The following DPP6 variants were observed in gnomAD, a reference collection of about 807,000 sequenced individuals.
The protein encoded by DPP6 is A-type potassium channel modulatory protein DPP6.
Under a neutral mutation model 122.6 loss-of-function variants are expected in DPP6, and 69 were observed. That is an observed-to-expected ratio of 0.56 (90% confidence interval 0.46 to 0.69). DPP6 has a LOEUF of 0.69. DPP6 is among the 30% of genes least tolerant of loss of function. DPP6 has a pLI of 0.00. For synonymous variants in DPP6, 418 were observed against 433.1 expected (o/e 0.97, Z 0.43); for missense variants, 928 against 1,116.9 (o/e 0.83, Z 2.41).
At chr7:154,363,127 C>T (rs1861140) in intron 1 of DPP6, among the ~76,000 whole-genome samples, 38,607 of 152,086 alleles carry the variant, frequency 0.25, 10,208 homozygotes, top group African/African-American at 0.68. Flanking sequence ...CCAGTGGCTA[C>T]AGTGGCAGCC....
At chr7:153,950,855 A>G (rs1031705287) in intron 1 of DPP6, among the ~76,000 whole-genome samples, 3 of 152,198 alleles carry the variant, frequency 2.0e-5, no homozygotes, top group African/African-American at 7.2e-5. Context: ...TCTGGAACAT[A>G]GAGGTCGAAC....
chr7:154,054,392 CTGT>C (rs1240088557), intron 1 of DPP6, among the ~76,000 whole-genome samples: 2 of 151,864 alleles, frequency 1.3e-5, no homozygotes, highest in Non-Finnish European at 2.9e-5. Context: ...TGAGGTTTTG[CTGT>C]TGTTATTGGT....
intron 1 of DPP6, chr7:154,058,127 T>G (rs1463960816): frequency 3.7e-5 from 3 of 81,902 alleles, no homozygotes; most frequent in Non-Finnish European, 5.3e-5. Context: ...CCAACCCCTC[T>G]TCCCCCCCCT....
intron 3 of DPP6, among the ~76,000 whole-genome samples, chr7:154,533,346 C>G (rs1000368437): frequency 6.6e-6 from 1 of 152,098 alleles, no homozygotes. Flanking sequence ...ATGACATGGA[C>G]AAATCATCAA....
Position 154,652,699 on chromosome 7 carries a change from C to CA in DPP6, c.680+14827dup, listed in dbSNP as rs1836955645. Among the ~76,000 whole-genome samples the CA allele has an allele frequency of 2.0e-5, 3 of 152,228 alleles. No individual in the cohort carries two copies. The South Asian group carries it at 6.2e-4, about 32-fold the overall frequency. On this transcript the variant is annotated intron_variant, in intron 6 of 25. Transcript: ENST00000377770. ...TGAGCACTGTGAGAGCCTGAGGCGT[C>CA]AGAGTGCAGCTCATTGAGACCCAGA...
chr7:153,946,933 C>T (rs1801974524), intron 1 of DPP6, among the ~76,000 whole-genome samples: 1 of 152,048 alleles, frequency 6.6e-6, no homozygotes, highest in South Asian at 2.1e-4. Flanking sequence ...TGCGAATTTC[C>T]AAGCTGAAGA....
chr7:154,486,646 A>G lies in DPP6; in HGVS notation c.457+11609A>G, dbSNP rs1005380440. On this transcript the variant is annotated intron_variant, in intron 3 of 25. Transcript: ENST00000377770. This position sits in a 1 kb window ranked among gnomAD's most constrained non-coding sequence, Gnocchi z 4.5. ...CTCCACGATACCGCAGTAGAACTTT[A>G]CAAAACTTCAGTCAGAGCATCAGCT... 5.3e-5 allele frequency among the ~76,000 whole-genome samples: 8 copies of G among 152,212 alleles called. No homozygotes were observed. The highest frequency in any genetic ancestry group is 8.8e-5 in the Non-Finnish European group (6 of 68,044).
chr7:154,026,912 C>G (rs1438192900), intron 1 of DPP6: 1 of 150,526 alleles, frequency 6.6e-6, no homozygotes, highest in East Asian at 1.9e-4. Context: ...ATGATATAAA[C>G]AAATGAGATA....
Position 154,446,329 on chromosome 7 carries a change from G to A in DPP6, c.358+1G>A. 1 of 1,605,386 alleles carries A rather than the reference G, an allele frequency of 6.2e-7. No individual in the cohort carries two copies. The highest frequency in any genetic ancestry group is 8.5e-7 in the Non-Finnish European group (1 of 1,175,476). ...ACCTCGGTCATACTTCTGACACCAG[G>A]TACTGTATTCATTCTTGGAAAAGCA... On this transcript the variant is annotated splice_donor_variant, in intron 2 of 25. Transcript: ENST00000377770. LOFTEE classifies it high-confidence loss of function.
intron 1 of DPP6, among the ~76,000 whole-genome samples, chr7:153,972,663 G>A (rs1397385824): frequency 6.6e-6 from 1 of 151,340 alleles, no homozygotes; most frequent in African/African-American, 2.4e-5. Flanking sequence ...CATGTGCTAT[G>A]TTCAGAATTG....
chr7:154,870,043 G>A (rs1286324523), intron 18 of DPP6, among the ~76,000 whole-genome samples: 1 of 151,764 alleles, frequency 6.6e-6, no homozygotes, highest in African/African-American at 2.4e-5. Flanking sequence ...GCAGTGGTAC[G>A]ATCTTGGGTT....
At chr7:154,795,960 A>G in intron 12 of DPP6, 77 bp downstream of exon 12, 1 of 1,537,704 alleles carries the variant, frequency 6.5e-7, no homozygotes, top group Non-Finnish European at 8.7e-7. Flanking sequence ...AGCTTCGACA[A>G]CAGCAGAATG....
intron 17 of DPP6, among the ~76,000 whole-genome samples, chr7:154,857,484 T>A (rs543385493): frequency 6.6e-6 from 1 of 152,232 alleles, no homozygotes; most frequent in East Asian, 1.9e-4. Flanking sequence ...AGCCTCCAGG[T>A]GTTTGCCATG....
intron 5 of DPP6, among the ~76,000 whole-genome samples, chr7:154,581,706 AAC>A (rs1563889489): frequency 6.6e-6 from 1 of 152,248 alleles, no homozygotes; most frequent in Non-Finnish European, 1.5e-5. Flanking sequence ...CAAAGAAAAC[AAC>A]AGTGTCCCCT....
chr7:153,963,913 T>C (rs71545680), intron 1 of DPP6, among the ~76,000 whole-genome samples: 2 of 152,334 alleles, frequency 1.3e-5, no homozygotes, highest in South Asian at 4.1e-4. Flanking sequence ...GCTGAGCCCT[T>C]GCAGCAGAGG....
At chr7:154,137,703 A>G (rs867009942) in intron 1 of DPP6, among the ~76,000 whole-genome samples, 1 of 148,556 alleles carries the variant, frequency 6.7e-6, no homozygotes, top group African/African-American at 2.5e-5. Flanking sequence ...AAAAGGCCCA[A>G]GCCCCTTGGA....
intron 21 of DPP6, among the ~76,000 whole-genome samples, chr7:154,882,644 C>T (rs191960267): frequency 3.5e-4 from 54 of 152,246 alleles, no homozygotes; most frequent in African/African-American, 1.2e-3. Context: ...GGCACCTGTG[C>T]GTTATGTTCT....
chr7:153,817,190 AG>A, the DPP6 span, among the ~76,000 whole-genome samples: 2 of 147,384 alleles, frequency 1.4e-5, no homozygotes, highest in African/African-American at 5.1e-5. Context: ...AACTAAATTT[AG>A]GGGTGTATAT....
chr7:154,026,980 A>C (rs963637119), intron 1 of DPP6: 26 of 146,742 alleles, frequency 1.8e-4, no homozygotes, highest in Non-Finnish European at 3.0e-5. Flanking sequence ...AACACATAAA[A>C]AGAAAGTTCA....
Sources: gnomAD v4.1 joint callset for allele counts (sites outside exome capture counted in the v4.1 genomes callset) on GRCh38, gnomAD v4.1.1 for gene constraint, Gnocchi (gnomAD v3.1) non-coding constraint, MANE v1.5 for transcripts, NCBI Gene and HGNC (gene_info 2026-07-23, HGNC 2026-07-21) for gene names.